FUT4: variants seen among roughly 807,000 people sequenced by gnomAD.
FUT4 encodes the protein alpha-(1,3)-fucosyltransferase 4.
In FUT4, 1 loss-of-function variant was observed where a neutral mutation model predicts 3.8. The observed-to-expected ratio is 0.26, with a 90% CI of 0.09 to 1.25. The LOEUF is 1.25. Ranked by LOEUF, FUT4 falls within the 50% of genes most tolerant of loss-of-function variation. The pLI is 0.47. For missense variants in FUT4, 880 were observed against 768.2 expected (o/e 1.15, Z -1.72); for synonymous variants, 417 against 355.3 (o/e 1.17, Z -1.95).
Position 94,545,408 on chromosome 11 carries a change from G to A in FUT4, c.1275G>A (p.Lys425=). The A allele has an allele frequency of 6.2e-7, 1 of 1,613,096 alleles. No homozygotes were observed. The highest frequency in any genetic ancestry group is 8.5e-7 in the Non-Finnish European group (1 of 1,179,830). The part of the protein sequence containing the change: ...NSQHLDYITE[K]LWRNALLAGA... The stretch of plus-strand genomic sequence containing the variant: ...AGCACCTGGATTATATCACCGAGAA[G>A]CTCTGGCGCAACGCGTTGCTCGCTG... Residue 425 remains lysine (K), a synonymous_variant, in exon 1 of 1, where the codon AAG becomes AAA. Coordinates refer to ENST00000358752, the MANE Select transcript of FUT4 (RefSeq NM_002033.4).
Position 94,545,936 on chromosome 11 carries a change from G to T in FUT4, c.*210G>T, listed in dbSNP as rs1282337916. 7.0e-6 allele frequency: 5 copies of T among 716,042 alleles called. No homozygotes were observed. Among genetic ancestry groups the T allele is most frequent in the Non-Finnish European group, 1.3e-5 (5 of 390,144 alleles). 44.4% of individuals were successfully genotyped at this position (716,042 alleles called of 1,614,324 possible). A position where few individuals can be genotyped will look rare whatever the true frequency, so the allele number is the denominator to read the frequency against. On this transcript the variant is annotated 3_prime_UTR_variant, in exon 1 of 1. Transcript: ENST00000358752. ...TATTTTTTGCACAGCTAGCAATTGG[G>T]CTCCCTTTGCTGCTGATGGGCATCA...
Position 94,543,922 on chromosome 11 carries a change from T to G in FUT4, c.-212T>G. 1 of 638,428 alleles carries G rather than the reference T, an allele frequency of 1.6e-6. No individual in the cohort carries two copies. Among genetic ancestry groups the G allele is most frequent in the Non-Finnish European group, 2.3e-6 (1 of 444,176 alleles). 39.5% of individuals were successfully genotyped at this position (638,428 alleles called of 1,614,324 possible). A position where few individuals can be genotyped will look rare whatever the true frequency, so the allele number is the denominator to read the frequency against. ...GGCAGGAAGCCGACGCTATCCTCCG[T>G]TCCGCGGCGCCGGGTCCGCCTTCCG... On this transcript the variant is annotated 5_prime_UTR_variant, in exon 1 of 1. Coordinates refer to ENST00000358752, the MANE Select transcript of FUT4 (RefSeq NM_002033.4).
At position 94,546,348 on chromosome 11, in the gene FUT4, G is replaced by A. The variant is rs1947862120; in HGVS notation, c.*622G>A. ...GTCCTGTGAATGGAAGCAAAGTGCT[G>A]GATTGTCCTTGGAGGAAACTTAAGA... is the stretch of plus-strand genomic sequence containing the variant. On this transcript the variant is annotated 3_prime_UTR_variant, in exon 1 of 1. Transcript: ENST00000358752. The A allele has an allele frequency of 5.1e-6, 1 of 194,462 alleles. No individual in the cohort carries two copies. The highest frequency in any genetic ancestry group is 5.4e-5 in the Admixed American group (1 of 18,544). 12.0% of individuals were successfully genotyped at this position (194,462 alleles called of 1,614,324 possible). A position where few individuals can be genotyped will look rare whatever the true frequency, so the allele number is the denominator to read the frequency against.
At position 94,544,331 on chromosome 11, in the gene FUT4, C is replaced by T; in HGVS notation, c.198C>T (p.His66=). 6.4e-7 allele frequency: 1 copy of T among 1,553,398 alleles called. No homozygotes were observed. Among genetic ancestry groups the T allele is most frequent in the Non-Finnish European group, 8.6e-7 (1 of 1,156,404 alleles). ...CCCTGGCGGCTCGCCCCGCCCGGCA[C>T]TTGGGAGGAGCAGGGCAGGGCCCGC... The part of the protein sequence containing the change: ...HLALAARPAR[H]LGGAGQGPRP... The change falls in exon 1 of 1, where the codon CAC becomes CAT. Residue 66 remains histidine, a synonymous_variant. Coordinates refer to ENST00000358752, the MANE Select transcript of FUT4 (RefSeq NM_002033.4).
At position 94,548,922 on chromosome 11, in the gene FUT4, C is replaced by T. The variant is rs1947896351; in HGVS notation, c.*3196C>T. The stretch of plus-strand genomic sequence containing the variant: ...TTTCCTAGCAGTAATTTAGGGGAGA[C>T]AGAGGAGTTTCATGTAAAGAGCATG... On this transcript the variant is annotated 3_prime_UTR_variant, in exon 1 of 1. Coordinates refer to ENST00000358752, the MANE Select transcript of FUT4 (RefSeq NM_002033.4). 1 of 166,944 alleles carries T rather than the reference C, an allele frequency of 6.0e-6. No homozygotes were observed. Among genetic ancestry groups the T allele is most frequent in the Non-Finnish European group, 1.5e-5 (1 of 68,110 alleles). The allele number at this position is 166,944 out of a possible 1,614,324, so 10.3% of individuals were successfully genotyped here.
At position 94,545,808 on chromosome 11, in the gene FUT4, G is replaced by A. The variant is rs1234412459; in HGVS notation, c.*82G>A. ...TCTACTGTGCATCTCCTTGACTGCC[G>A]CATCATGGGAGTAAGTTCTTCAAAC... On this transcript the variant is annotated 3_prime_UTR_variant, in exon 1 of 1. Coordinates refer to ENST00000358752, the MANE Select transcript of FUT4 (RefSeq NM_002033.4). 4 of 1,470,766 alleles carry A rather than the reference G, an allele frequency of 2.7e-6. No individual in the cohort carries two copies. The highest frequency in any genetic ancestry group is 3.7e-6 in the Non-Finnish European group (4 of 1,073,702). The allele number at this position is 1,470,766 out of a possible 1,614,324, so 91.1% of individuals were successfully genotyped here.
In FUT4 at chr11:94,549,039, A is replaced by T. The variant is rs1254184041; in HGVS notation, c.*3313A>T. 1.8e-5 allele frequency: 3 copies of T among 167,064 alleles called. No homozygotes were observed. Among genetic ancestry groups the T allele is most frequent in the Non-Finnish European group, 1.5e-5 (1 of 68,132 alleles). 10.3% of individuals were successfully genotyped at this position (167,064 alleles called of 1,614,324 possible). On this transcript the variant is annotated 3_prime_UTR_variant, in exon 1 of 1. Transcript: ENST00000358752. ...GTTTTAGCTTTCTCCTTTACAATGC[A>T]TGAATGCCTATCCCCCTACAAAACA...
At position 94,548,094 on chromosome 11, in the gene FUT4, C is replaced by A. The variant is rs948622070; in HGVS notation, c.*2368C>A. 3 of 166,776 alleles carry A rather than the reference C, an allele frequency of 1.8e-5. No homozygotes were observed. The highest frequency in any genetic ancestry group is 7.3e-5 in the African/African-American group (3 of 41,364). 10.3% of individuals were successfully genotyped at this position (166,776 alleles called of 1,614,324 possible). A position where few individuals can be genotyped will look rare whatever the true frequency, so the allele number is the denominator to read the frequency against. The stretch of plus-strand genomic sequence containing the variant: ...TTGACTTGCAAACTAGGAAGAAGCA[C>A]CTAGGCTTTCTTTGAAAATATTTTT... On this transcript the variant is annotated 3_prime_UTR_variant, in exon 1 of 1. Coordinates refer to ENST00000358752, the MANE Select transcript of FUT4 (RefSeq NM_002033.4).
rs559573570 is a variant in FUT4, at chr11:94,549,816, A to C, written c.*4090A>C. 3 of 167,036 alleles carry C rather than the reference A, an allele frequency of 1.8e-5. No homozygotes were observed. The South Asian group carries it at 6.2e-4, about 35-fold the overall frequency. The allele number at this position is 167,036 out of a possible 1,614,324, so 10.3% of individuals were successfully genotyped here. A position where few individuals can be genotyped will look rare whatever the true frequency, so the allele number is the denominator to read the frequency against. On this transcript the variant is annotated 3_prime_UTR_variant, in exon 1 of 1. Transcript: ENST00000358752. The stretch of plus-strand genomic sequence containing the variant: ...TGTGTCTCAGGGATTTCTATGCTAC[A>C]CATTCTTTTAACAAATCAAGTATTT...
rs529298586 is a variant in FUT4, at chr11:94,549,622, A to G, written c.*3896A>G. On this transcript the variant is annotated 3_prime_UTR_variant, in exon 1 of 1. Coordinates refer to ENST00000358752, the MANE Select transcript of FUT4 (RefSeq NM_002033.4). ...ACTGGCAGAAAACCAGGAATCAGAG[A>G]AAGAAAATATAATTTAACTTTAAAG... 6.0e-6 allele frequency: 1 copy of G among 167,090 alleles called. No homozygotes were observed. Among genetic ancestry groups the G allele is most frequent in the Non-Finnish European group, 1.5e-5 (1 of 68,104 alleles). 10.4% of individuals were successfully genotyped at this position (167,090 alleles called of 1,614,324 possible). A position where few individuals can be genotyped will look rare whatever the true frequency, so the allele number is the denominator to read the frequency against.
In FUT4 at chr11:94,544,918, A is replaced by G. The variant is rs1378676760; in HGVS notation, c.785A>G (p.Glu262Gly). The change falls in exon 1 of 1, where the codon GAG (glutamate) becomes GGG (glycine). Residue 262 changes from glutamate (E) to glycine (G), a missense_variant. Glu to Gly is a moderately conservative substitution (Grantham distance 98). This residue lies in a region of FUT4 where 424 missense variants were observed against 400.4 expected (regional missense o/e 1.06). Transcript: ENST00000358752. ...PWGIQAHTAE[E>G]VDLRVLDYEE... ...GGCATCCAGGCGCACACTGCCGAGGAGGTGGATCTGCGCGTGTTGGACTAC... is the reference window on the plus strand; with the variant it reads ...GGCATCCAGGCGCACACTGCCGAGGGGGTGGATCTGCGCGTGTTGGACTAC... 3.1e-6 allele frequency: 5 copies of G among 1,608,432 alleles called. No individual in the cohort carries two copies. The highest frequency in any genetic ancestry group is 4.2e-6 in the Non-Finnish European group (5 of 1,178,394).
rs1233717037 is a variant in FUT4 at position 94,549,724 on chromosome 11, G to A, written c.*3998G>A. On this transcript the variant is annotated 3_prime_UTR_variant, in exon 1 of 1. Coordinates refer to ENST00000358752, the MANE Select transcript of FUT4 (RefSeq NM_002033.4). ...CTCAAATATCAGGGAAAGGAGCCAAGTCCTTGGTATTTAGTTTGGTGAATA... is the reference window on the plus strand; with the variant it reads ...CTCAAATATCAGGGAAAGGAGCCAAATCCTTGGTATTTAGTTTGGTGAATA... 2 of 166,730 alleles carry A rather than the reference G, an allele frequency of 1.2e-5. No homozygotes were observed. Among genetic ancestry groups the A allele is most frequent in the East Asian group, 1.9e-4 (1 of 5,202 alleles). The allele number at this position is 166,730 out of a possible 1,614,324, so 10.3% of individuals were successfully genotyped here. A position where few individuals can be genotyped will look rare whatever the true frequency, so the allele number is the denominator to read the frequency against.
rs1483343444 is a variant in FUT4, at chr11:94,545,816, G to T, written c.*90G>T. The stretch of plus-strand genomic sequence containing the variant: ...GCATCTCCTTGACTGCCGCATCATG[G>T]GAGTAAGTTCTTCAAACACCCATTT... On this transcript the variant is annotated 3_prime_UTR_variant, in exon 1 of 1. Transcript: ENST00000358752. 6.9e-7 allele frequency: 1 copy of T among 1,446,862 alleles called. No individual in the cohort carries two copies. The allele number at this position is 1,446,862 out of a possible 1,614,324, so 89.6% of individuals were successfully genotyped here.
chr11:94,545,543 G>T lies in FUT4; in HGVS notation c.1410G>T (p.Ser470=). Residue 470 remains serine (S), a synonymous_variant, in exon 1 of 1, where the codon TCG becomes TCT. Coordinates refer to ENST00000358752, the MANE Select transcript of FUT4 (RefSeq NM_002033.4). ...TCCCAAGTGCCTCCTCCCTGGCCTC[G>T]TACCTGCTTTTCCTCGACCGCAACC... is the stretch of plus-strand genomic sequence containing the variant. The part of the protein sequence containing the change: ...DDFPSASSLA[S]YLLFLDRNPA... 1.2e-6 allele frequency: 2 copies of T among 1,613,752 alleles called. No individual in the cohort carries two copies. The highest frequency in any genetic ancestry group is 1.3e-5 in the African/African-American group (1 of 75,072).
Position 94,544,339 on chromosome 11 carries a change from G to C in FUT4, c.206G>C (p.Gly69Ala), listed in dbSNP as rs763921366. The change falls in exon 1 of 1, where the codon GGA becomes GCA. Residue 69 changes from glycine to alanine, a missense_variant. By Grantham distance (60) the Gly-to-Ala change is moderately conservative (BLOSUM62 0). Around this residue, in one of 3 missense-constraint regions of FUT4, gnomAD observed 447 missense variants for 339.5 expected, o/e 1.32. Transcript: ENST00000358752. ...LAARPARHLGGAGQGPRPLHS... is the reference protein window; with the variant it reads ...LAARPARHLGAAGQGPRPLHS... ...GCTCGCCCCGCCCGGCACTTGGGAG[G>C]AGCAGGGCAGGGCCCGCGGCCTTTG... The C allele has an allele frequency of 6.4e-6, 10 of 1,550,928 alleles. 1 individual carries two copies. In the South Asian group the frequency reaches 1.0e-4, roughly 16 times the overall value.
In FUT4 at chr11:94,545,852, G is replaced by T; in HGVS notation, c.*126G>T. 5.1e-6 allele frequency: 6 copies of T among 1,176,294 alleles called. No individual in the cohort carries two copies. The highest frequency in any genetic ancestry group is 7.4e-6 in the Non-Finnish European group (6 of 805,892). The allele number at this position is 1,176,294 out of a possible 1,614,324, so 72.9% of individuals were successfully genotyped here. On this transcript the variant is annotated 3_prime_UTR_variant, in exon 1 of 1. Transcript: ENST00000358752. ...TTCAAACACCCATTTTTGCTCTATG[G>T]GAAAAAAACGATTTACCAATTAATA...
Position 94,546,917 on chromosome 11 carries a change from T to C in FUT4, c.*1191T>C, listed in dbSNP as rs546923857. ...TCCTCAGAACTACATTAGTGCCTAC[T>C]ATTAACTTACTCTGTCTCTTGTTAA... On this transcript the variant is annotated 3_prime_UTR_variant, in exon 1 of 1. Transcript: ENST00000358752. 6.0e-6 allele frequency: 1 copy of C among 167,268 alleles called. No homozygotes were observed. Among genetic ancestry groups the C allele is most frequent in the Middle Eastern group, 3.4e-3 (1 of 296 alleles). 10.4% of individuals were successfully genotyped at this position (167,268 alleles called of 1,614,324 possible). A position where few individuals can be genotyped will look rare whatever the true frequency, so the allele number is the denominator to read the frequency against.
chr11:94,544,112 G>A lies in FUT4; in HGVS notation c.-22G>A, dbSNP rs1259143430. The stretch of plus-strand genomic sequence containing the variant: ...CGCGCAGAGGGAAACCGGATCAGTT[G>A]AGAGAGAATCAAGAGTAGCGGATGA... On this transcript the variant is annotated 5_prime_UTR_variant, in exon 1 of 1. It removes the in-frame stop codon of an upstream open reading frame in the 5' UTR. Coordinates refer to ENST00000358752, the MANE Select transcript of FUT4 (RefSeq NM_002033.4). The A allele has an allele frequency of 2.2e-6, 3 of 1,382,102 alleles. No individual in the cohort carries two copies. The East Asian group carries it at 9.2e-5, about 42-fold the overall frequency. The allele number at this position is 1,382,102 out of a possible 1,614,324, so 85.6% of individuals were successfully genotyped here.
In FUT4 at chr11:94,545,278, C is replaced by T. The variant is rs752608479; in HGVS notation, c.1145C>T (p.Thr382Ile). Reference sequence around the variant, plus strand: ...TACCACCAACTGAGCCAACATGTGACCGTGGACGTGTTCGGCCGGGGCGGG... The same window carrying T: ...TACCACCAACTGAGCCAACATGTGATCGTGGACGTGTTCGGCCGGGGCGGG... ...RYYHQLSQHV[T>I]VDVFGRGGPG... The change falls in exon 1 of 1, where the codon ACC (threonine) becomes ATC (isoleucine). Residue 382 changes from threonine to isoleucine, a missense_variant. Physicochemically the swap from Thr to Ile is moderately conservative, Grantham distance 89 (BLOSUM62 -1). Around this residue, in one of 3 missense-constraint regions of FUT4, gnomAD observed 424 missense variants for 400.4 expected, o/e 1.06. Coordinates refer to ENST00000358752, the MANE Select transcript of FUT4 (RefSeq NM_002033.4). 6.8e-6 allele frequency: 11 copies of T among 1,612,028 alleles called. No individual in the cohort carries two copies.
Sources: allele counts gnomAD v4.1 joint callset, GRCh38; gene constraint gnomAD v4.1.1; regional missense constraint gnomAD v4.1.1; transcripts MANE v1.5; gene names NCBI Gene and HGNC (gene_info 2026-07-23, HGNC 2026-07-21).